Variants in GALNT13 observed in about 807,000 individuals in gnomAD.
GALNT13 encodes UDP-GalNAc:polypeptide N-acetylgalactosaminyltransferase 13.
In GALNT13, 28 loss-of-function variants were observed where a neutral mutation model predicts 64.2. The ratio of observed to expected loss-of-function variants is 0.44; its 90% CI spans 0.32 to 0.60. The LOEUF (loss-of-function observed/expected upper bound fraction) is 0.60. GALNT13 is among the 20% of genes least tolerant of loss of function. The pLI is 0.05. For synonymous variants in GALNT13, 214 were observed against 224.6 expected (o/e 0.95, Z 0.42); for missense variants, 577 against 669.8 (o/e 0.86, Z 1.53).
chr2:153,860,577 T>C, the GALNT13 span, among the ~76,000 whole-genome samples: 1 of 152,202 alleles, frequency 6.6e-6, no homozygotes, highest in Admixed American at 6.5e-5. Context: ...ATGCAAAGCT[T>C]ATGGAAGGGT....
At chr2:153,281,092 G>C in the GALNT13 span, among the ~76,000 whole-genome samples, 1 of 152,094 alleles carries the variant, frequency 6.6e-6, no homozygotes, top group South Asian at 2.1e-4. Flanking sequence ...TTGTTTAATT[G>C]AACCCTTTGT....
chr2:153,160,416 A>G, the GALNT13 span, among the ~76,000 whole-genome samples: 2 of 152,222 alleles, frequency 1.3e-5, no homozygotes, highest in Non-Finnish European at 2.9e-5. Flanking sequence ...TAAAGAGTAT[A>G]ACAAGCTGTA....
At chr2:153,153,801 G>T in the GALNT13 span, among the ~76,000 whole-genome samples, 28 of 151,668 alleles carry the variant, frequency 1.8e-4, no homozygotes, top group East Asian at 1.8e-3. Context: ...GGTTACTGTA[G>T]CCCTGTAGTA....
chr2:153,072,544 C>T, the GALNT13 span, among the ~76,000 whole-genome samples: 2 of 152,136 alleles, frequency 1.3e-5, no homozygotes, highest in Non-Finnish European at 2.9e-5. Flanking sequence ...AGCTATAAAT[C>T]CTTATGCCTT....
the GALNT13 span, among the ~76,000 whole-genome samples, chr2:153,659,359 T>C: frequency 6.6e-6 from 1 of 152,122 alleles, no homozygotes; most frequent in Non-Finnish European, 1.5e-5. Context: ...ATATATTAAA[T>C]GTCTGCTTTG....
At chr2:153,179,592 G>A in the GALNT13 span, among the ~76,000 whole-genome samples, 1 of 152,062 alleles carries the variant, frequency 6.6e-6, no homozygotes, top group African/African-American at 2.4e-5. Context: ...TAGGAAAAAT[G>A]ACGTTGAAAT....
chr2:153,838,534 A>T, the GALNT13 span, among the ~76,000 whole-genome samples: 5 of 151,810 alleles, frequency 3.3e-5, no homozygotes, highest in East Asian at 7.7e-4. Context: ...CCCATTGTGT[A>T]TTTTTGATGC....
chr2:153,548,101 A>G, the GALNT13 span, among the ~76,000 whole-genome samples: 605 of 152,270 alleles, frequency 4.0e-3, 4 homozygotes, highest in Non-Finnish European at 6.5e-3. Flanking sequence ...AAATTCTGTA[A>G]CAGCTCGATG....
At chr2:153,636,046 T>C in the GALNT13 span, among the ~76,000 whole-genome samples, 5 of 152,116 alleles carry the variant, frequency 3.3e-5, no homozygotes, top group Admixed American at 3.3e-4. Flanking sequence ...TGCATTTCTA[T>C]TTCACATTTG....
At chr2:153,906,619 C>T (rs1048752375) in intron 2 of GALNT13, among the ~76,000 whole-genome samples, 5 of 151,826 alleles carry the variant, frequency 3.3e-5, no homozygotes, top group African/African-American at 1.2e-4. Context: ...TGTATATGTG[C>T]CACATTTTCT....
At chr2:153,394,539 A>G in the GALNT13 span, among the ~76,000 whole-genome samples, 3 of 152,068 alleles carry the variant, frequency 2.0e-5, no homozygotes, top group Non-Finnish European at 4.4e-5. Context: ...CAATCTCAGA[A>G]AAACAGTTGA....
intron 12 of GALNT13, among the ~76,000 whole-genome samples, chr2:154,448,834 G>A (rs1701727711): frequency 6.6e-6 from 1 of 151,798 alleles, no homozygotes. Flanking sequence ...GTAGCTTAAT[G>A]GGCAATGACA....
At chr2:153,698,515 A>C in the GALNT13 span, among the ~76,000 whole-genome samples, 1 of 152,200 alleles carries the variant, frequency 6.6e-6, no homozygotes, top group Admixed American at 6.5e-5. Context: ...CATAATGGTA[A>C]AGGGATCAAT....
At chr2:154,242,938 A>T (rs1689577385) in intron 6 of GALNT13, 33 bp downstream of exon 6, 1 of 1,550,216 alleles carries the variant, frequency 6.5e-7, no homozygotes, top group Non-Finnish European at 8.9e-7. Flanking sequence ...TGCCTGGGTT[A>T]TGACTGAACC....
intron 3 of GALNT13, among the ~76,000 whole-genome samples, chr2:153,991,031 G>A (rs1187238854): frequency 1.3e-5 from 2 of 152,134 alleles, no homozygotes; most frequent in South Asian, 2.1e-4. Flanking sequence ...GGGGACATAT[G>A]TTCAACTGAC....
At chr2:153,680,953 C>T in the GALNT13 span, among the ~76,000 whole-genome samples, 4 of 151,908 alleles carry the variant, frequency 2.6e-5, no homozygotes, top group East Asian at 1.9e-4. Context: ...TTAAGGAATT[C>T]GGATAATGCC....
intron 9 of GALNT13, among the ~76,000 whole-genome samples, 165 bp downstream of exon 9, chr2:154,301,754 G>C (rs549814175): frequency 6.6e-6 from 1 of 151,790 alleles, no homozygotes; most frequent in African/African-American, 2.4e-5. Flanking sequence ...AGTAAATTTT[G>C]ATGTAAAATA....
At chr2:153,102,755 A>T in the GALNT13 span, among the ~76,000 whole-genome samples, 1 of 152,166 alleles carries the variant, frequency 6.6e-6, no homozygotes, top group South Asian at 2.1e-4. Context: ...TAACTTGGTT[A>T]TCAGCTGGTG....
the GALNT13 span, among the ~76,000 whole-genome samples, chr2:153,638,747 G>A: frequency 8.6e-3 from 1,304 of 152,100 alleles, 15 homozygotes; most frequent in Non-Finnish European, 0.012. Flanking sequence ...AGAATTTGGC[G>A]GGGTGGGGGT....
Sources: gnomAD v4.1 joint callset for allele counts (sites outside exome capture counted in the v4.1 genomes callset) on GRCh38, gnomAD v4.1.1 for gene constraint, MANE v1.5 for transcripts, NCBI Gene and HGNC (gene_info 2026-07-23, HGNC 2026-07-21) for gene names.